LHFPL3: variants seen among roughly 807,000 people sequenced by gnomAD.
LHFPL3 encodes LHFPL tetraspan subfamily member 3 protein.
Under a neutral mutation model 19.3 loss-of-function variants are expected in LHFPL3, and 5 were observed. The observed-to-expected ratio is 0.26, with a 90% CI of 0.14 to 0.54. The LOEUF is 0.54. Ranked by LOEUF, LHFPL3 falls within the 20% of genes least tolerant of loss-of-function variation. LHFPL3 has a pLI of 0.94. For synonymous variants in LHFPL3, 133 were observed against 126.2 expected, an observed-to-expected ratio of 1.05 and a Z score of -0.36; for missense variants, 249 against 307.4, an observed-to-expected ratio of 0.81 and a Z score of 1.42.
rs1001276459 is a variant in LHFPL3, at chr7:104,424,999, A to G, written c.445+95775A>G. ...TCCATCTCATAAAAAAAAAAAAAAA[A>G]AAAAAAGAAGTATCTGACTCAAAAT... is the stretch of plus-strand genomic sequence containing the variant. On this transcript the variant is annotated intron_variant, in intron 1 of 2. Transcript: ENST00000424859. 7.3e-4 allele frequency among the ~76,000 whole-genome samples: 110 copies of G among 150,900 alleles called. 2 individuals carry two copies. The Middle Eastern group carries it at 0.014, about 19-fold the overall frequency.
chr7:104,713,075 A>C (rs1793324986), intron 1 of LHFPL3, among the ~76,000 whole-genome samples: 1 of 152,174 alleles, frequency 6.6e-6, no homozygotes, highest in Non-Finnish European at 1.5e-5. Flanking sequence ...GGCCTAGATC[A>C]TGGCTACTCT....
intron 1 of LHFPL3, among the ~76,000 whole-genome samples, chr7:104,545,520 A>G (rs1794562007): frequency 6.6e-6 from 1 of 152,188 alleles, no homozygotes; most frequent in Non-Finnish European, 1.5e-5. Flanking sequence ...GGCAGTGTGA[A>G]GAAGGGCTCT....
chr7:104,753,196 T>C (rs1208564086), intron 2 of LHFPL3, among the ~76,000 whole-genome samples: 1 of 152,156 alleles, frequency 6.6e-6, no homozygotes, highest in Non-Finnish European at 1.5e-5. Context: ...TAATAGAACT[T>C]TAGAGTTCCT....
intron 1 of LHFPL3, among the ~76,000 whole-genome samples, chr7:104,707,150 G>A (rs779704076): frequency 6.6e-6 from 1 of 152,214 alleles, no homozygotes; most frequent in Non-Finnish European, 1.5e-5. Flanking sequence ...GAATGTGTCT[G>A]ACAGCAGATG....
chr7:104,705,777 G>C (rs532257979), intron 1 of LHFPL3, among the ~76,000 whole-genome samples: 4 of 152,290 alleles, frequency 2.6e-5, no homozygotes, highest in South Asian at 4.1e-4. Flanking sequence ...GCCTCTTGGG[G>C]AACAGGTGGC....
intron 2 of LHFPL3, among the ~76,000 whole-genome samples, chr7:104,801,203 G>A (rs867293432): frequency 6.6e-6 from 1 of 152,170 alleles, no homozygotes; most frequent in African/African-American, 2.4e-5. Flanking sequence ...CTGAAATGGT[G>A]CACAGAAGCA....
chr7:104,410,084 G>A (rs1285100438), intron 1 of LHFPL3, among the ~76,000 whole-genome samples: 3 of 152,028 alleles, frequency 2.0e-5, no homozygotes, highest in East Asian at 3.9e-4. Flanking sequence ...AACCAGCTGC[G>A]TGACCTGAAC....
At chr7:104,769,419 C>CCAA (rs1794511209) in intron 2 of LHFPL3, among the ~76,000 whole-genome samples, 1 of 152,026 alleles carries the variant, frequency 6.6e-6, no homozygotes, top group Non-Finnish European at 1.5e-5. Context: ...GAGAAAATTG[C>CCAA]CAACACTAAA....
At chr7:104,771,524 G>A (rs1232776123) in intron 2 of LHFPL3, among the ~76,000 whole-genome samples, 2 of 151,848 alleles carry the variant, frequency 1.3e-5, no homozygotes, top group Admixed American at 1.3e-4. Context: ...AGTTCTACAG[G>A]TTTTTGGAAA....
intron 1 of LHFPL3, among the ~76,000 whole-genome samples, chr7:104,452,403 C>T (rs928625829): frequency 6.6e-6 from 1 of 152,152 alleles, no homozygotes; most frequent in South Asian, 2.1e-4. Flanking sequence ...CCTTTGTTCA[C>T]TTGTTTAAAT....
At chr7:104,613,859 T>C (rs1361104769) in intron 1 of LHFPL3, among the ~76,000 whole-genome samples, 2 of 152,164 alleles carry the variant, frequency 1.3e-5, no homozygotes, top group Non-Finnish European at 2.9e-5. Flanking sequence ...ATTTAAGCAC[T>C]GGGTGAGCTA....
intron 2 of LHFPL3, among the ~76,000 whole-genome samples, chr7:104,868,986 T>C (rs1320602989): frequency 6.6e-6 from 1 of 152,232 alleles, no homozygotes; most frequent in Non-Finnish European, 1.5e-5. Flanking sequence ...AACAATTCCC[T>C]ATTTAATAAA....
At chr7:104,427,101 A>G (rs1181289469) in intron 1 of LHFPL3, among the ~76,000 whole-genome samples, 1 of 152,206 alleles carries the variant, frequency 6.6e-6, no homozygotes, top group Admixed American at 6.5e-5. Flanking sequence ...AGGTTTTCAC[A>G]GTGTATTTAG....
chr7:104,524,895 T>A (rs1248303078), intron 1 of LHFPL3, among the ~76,000 whole-genome samples: 2 of 152,226 alleles, frequency 1.3e-5, no homozygotes, highest in African/African-American at 4.8e-5. Context: ...TTATTCATTT[T>A]TTTCTGGTTT....
chr7:104,883,044 C>T (rs1325691132), intron 2 of LHFPL3, among the ~76,000 whole-genome samples: 1 of 152,212 alleles, frequency 6.6e-6, no homozygotes, highest in African/African-American at 2.4e-5. Context: ...GGAAATTTAA[C>T]TAGGCATTCT....
At chr7:104,872,296 C>G (rs1791852731) in intron 2 of LHFPL3, among the ~76,000 whole-genome samples, 1 of 151,198 alleles carries the variant, frequency 6.6e-6, no homozygotes. Flanking sequence ...GAGATTGTGC[C>G]ACTTTGCTCC....
At chr7:104,532,817 A>C (rs915906896) in intron 1 of LHFPL3, among the ~76,000 whole-genome samples, 1 of 152,226 alleles carries the variant, frequency 6.6e-6, no homozygotes, top group African/African-American at 2.4e-5. Context: ...CTGCCTGGTT[A>C]ATTTAGTTTT....
At chr7:104,414,586 A>G (rs945971990) in intron 1 of LHFPL3, among the ~76,000 whole-genome samples, 2 of 152,206 alleles carry the variant, frequency 1.3e-5, no homozygotes, top group Non-Finnish European at 2.9e-5. Context: ...CCTATTTCAG[A>G]AGACAGAAAA....
In LHFPL3 at chr7:104,527,124, C is replaced by G. The variant is rs150000382; in HGVS notation, c.445+197900C>G. Among the ~76,000 whole-genome samples the G allele has an allele frequency of 1.9e-3, 284 of 152,256 alleles. 3 individuals carry two copies. Among genetic ancestry groups the G allele is most frequent in the African/African-American group, 6.0e-3 (251 of 41,548 alleles). ...GCAAAGGCCTTGAGGTGAAACCAAG[C>G]TTGGTGTGCTCACCCAGTGTTGCTG... On this transcript the variant is annotated intron_variant, in intron 1 of 2. Transcript: ENST00000424859.
Sources: gnomAD v4.1 joint callset for allele counts (sites outside exome capture counted in the v4.1 genomes callset) on GRCh38, gnomAD v4.1.1 for gene constraint, MANE v1.5 for transcripts, NCBI Gene and HGNC (gene_info 2026-07-23, HGNC 2026-07-21) for gene names.